The following PLSCR4 variants were observed in gnomAD, a reference collection of about 807,000 sequenced individuals.
PLSCR4 encodes the protein Ca(2+)-dependent phospholipid scramblase 4.
Under a neutral mutation model 36.3 loss-of-function variants are expected in PLSCR4, and 25 were observed. The observed-to-expected ratio is 0.69, with a 90% CI of 0.50 to 0.96. The LOEUF is 0.96. Among genes scored for constraint, PLSCR4 ranks in the 40% least tolerant of loss-of-function variants. The pLI, the probability that PLSCR4 is intolerant of heterozygous loss-of-function variation, is 0.00. For missense variants in PLSCR4, 408 were observed against 414.7 expected (o/e 0.98, Z 0.14); for synonymous variants, 122 against 132.9 (o/e 0.92, Z 0.56).
intron 4 of PLSCR4, among the ~76,000 whole-genome samples, chr3:146,204,252 C>G (rs1447722577): frequency 1.3e-5 from 2 of 151,784 alleles, no homozygotes; most frequent in Non-Finnish European, 2.9e-5. Flanking sequence ...TTCATGTAAT[C>G]TTCATGTGAG....
At chr3:146,249,947 C>G (rs1210808178) in intron 1 of PLSCR4, among the ~76,000 whole-genome samples, 1 of 152,074 alleles carries the variant, frequency 6.6e-6, no homozygotes, top group Non-Finnish European at 1.5e-5. Context: ...CATCAACTGA[C>G]TTCTATAAAT....
At chr3:146,215,117 G>A (rs1215865051) in intron 3 of PLSCR4, among the ~76,000 whole-genome samples, 1 of 151,864 alleles carries the variant, frequency 6.6e-6, no homozygotes, top group South Asian at 2.1e-4. Context: ...ACTCTGTTTT[G>A]ATACAGCATT....
intron 6 of PLSCR4, among the ~76,000 whole-genome samples, chr3:146,198,217 T>A (rs1282173152): frequency 6.6e-6 from 1 of 152,108 alleles, no homozygotes; most frequent in East Asian, 1.9e-4. Context: ...AAAAGAGGAC[T>A]TTGGTGATGA....
chr3:146,214,111 A>T (rs2034772413), intron 3 of PLSCR4, among the ~76,000 whole-genome samples: 4 of 148,260 alleles, frequency 2.7e-5, no homozygotes, highest in East Asian at 2.0e-4. Flanking sequence ...CTGATTTGAT[A>T]TCTTCCTTTT....
intron 3 of PLSCR4, among the ~76,000 whole-genome samples, chr3:146,215,432 A>G (rs962297420): frequency 6.6e-5 from 10 of 152,160 alleles, no homozygotes; most frequent in African/African-American, 2.4e-5. Context: ...CAAAGATTCT[A>G]TTCTGAAATG....
intron 1 of PLSCR4, among the ~76,000 whole-genome samples, chr3:146,236,895 T>A (rs1044935559): frequency 6.6e-6 from 1 of 152,122 alleles, no homozygotes; most frequent in Non-Finnish European, 1.5e-5. Context: ...ATACCATGTA[T>A]ACACTAATAA....
At chr3:146,205,803 C>T (rs949166595) in intron 4 of PLSCR4, among the ~76,000 whole-genome samples, 13 of 152,052 alleles carry the variant, frequency 8.5e-5, no homozygotes, top group East Asian at 3.9e-4. Flanking sequence ...CAGGAATCAA[C>T]GCCACAAATA....
intron 1 of PLSCR4, among the ~76,000 whole-genome samples, chr3:146,235,448 C>G (rs1485951196): frequency 2.0e-5 from 3 of 152,134 alleles, no homozygotes; most frequent in South Asian, 4.1e-4. Context: ...AGAAGACAAG[C>G]AGATTGCCAG....
chr3:146,233,969 A>ATATATT (rs3028539), intron 1 of PLSCR4, among the ~76,000 whole-genome samples: 119,626 of 151,502 alleles, frequency 0.79, 48,001 homozygotes, highest in Non-Finnish European at 0.86. Flanking sequence ...GGGTTTTGAA[A>ATATATT]TATAGTTCGA....
chr3:146,243,920 GTAAAGA>G (rs2036249804), intron 1 of PLSCR4, among the ~76,000 whole-genome samples: 1 of 152,254 alleles, frequency 6.6e-6, no homozygotes, highest in South Asian at 2.1e-4. Flanking sequence ...AGCATTGTAG[GTAAAGA>G]ATGAAAGCCT....
intron 1 of PLSCR4, among the ~76,000 whole-genome samples, chr3:146,230,193 A>G (rs1475663142): frequency 6.6e-6 from 1 of 151,810 alleles, no homozygotes; most frequent in Admixed American, 6.6e-5. Flanking sequence ...TAGATTGCTA[A>G]AAAATAATAA....
intron 5 of PLSCR4, 141 bp from the exon 6 acceptor site, chr3:146,200,180 C>A (rs1559899526): frequency 5.1e-6 from 3 of 588,696 alleles, no homozygotes; most frequent in Non-Finnish European, 9.0e-6. Context: ...GATTAGAGTA[C>A]CCCAAAAATC....
chr3:146,244,205 G>A (rs775587270), intron 1 of PLSCR4, among the ~76,000 whole-genome samples: 2 of 152,058 alleles, frequency 1.3e-5, no homozygotes, highest in Admixed American at 6.5e-5. Flanking sequence ...ATGGTTCAAC[G>A]TACGTAAACG....
At position 146,222,060 on chromosome 3, in the gene PLSCR4, C is replaced by G. The variant is rs145133292; in HGVS notation, c.7+5G>C. ...GCATATTCAAATTTATTCACAAAAA[C>G]TTACCTGACATTTTGAAGAATTCCA... On this transcript the variant is annotated splice_donor_5th_base_variant and intron_variant, in intron 2 of 8. Transcript: ENST00000354952. 3.0e-4 allele frequency: 369 copies of G among 1,242,092 alleles called. 4 individuals are homozygous for G. The East Asian group carries it at 8.6e-3, about 29-fold the overall frequency. 76.9% of individuals were successfully genotyped at this position (1,242,092 alleles called of 1,614,324 possible).
chr3:146,212,348 T>G (rs150466503), intron 3 of PLSCR4, among the ~76,000 whole-genome samples: 1 of 152,038 alleles, frequency 6.6e-6, no homozygotes, highest in Admixed American at 6.6e-5. Flanking sequence ...GAAATACTTT[T>G]GGATTTCTGT....
At chr3:146,217,570 G>A (rs562316168) in intron 3 of PLSCR4, among the ~76,000 whole-genome samples, 18 of 152,306 alleles carry the variant, frequency 1.2e-4, no homozygotes, top group Non-Finnish European at 2.4e-4. Flanking sequence ...TGGCTAGAAG[G>A]CAAGGAAGGC....
Position 146,192,649 on chromosome 3 carries a change from A to C in PLSCR4, c.*1762T>G, listed in dbSNP as rs904342447. ...GGTTTTGGAATACAGGGATTTAGGC[A>C]AGTTAAAAATAAAAAGTTTATATGC... On this transcript the variant is annotated 3_prime_UTR_variant, in exon 9 of 9. Transcript: ENST00000354952. 1 of 151,968 alleles carries C rather than the reference A, an allele frequency of 6.6e-6. No homozygotes were observed. The highest frequency in any genetic ancestry group is 1.5e-5 in the Non-Finnish European group (1 of 67,958). The allele number at this position is 151,968 out of a possible 1,614,324, so 9.4% of individuals were successfully genotyped here.
At position 146,224,971 on chromosome 3, in the gene PLSCR4, T is replaced by C. The variant is rs537168580; in HGVS notation, c.-21-2879A>G. 7.9e-3 allele frequency among the ~76,000 whole-genome samples: 1,201 copies of C among 151,802 alleles called. 14 individuals carry two copies. Among genetic ancestry groups the C allele is most frequent in the Non-Finnish European group, 9.1e-3 (615 of 67,872 alleles). ...AGAGCAGCTAGATACAGAGTGTCGA[T>C]TGGTGCACTCACAAACCTTGAGCTA... On this transcript the variant is annotated intron_variant, in intron 1 of 8. Coordinates refer to ENST00000354952, the MANE Select transcript of PLSCR4 (RefSeq NM_020353.3).
chr3:146,212,402 T>G (rs1240509723), intron 3 of PLSCR4, among the ~76,000 whole-genome samples: 1 of 151,592 alleles, frequency 6.6e-6, no homozygotes, highest in African/African-American at 2.4e-5. Flanking sequence ...TTGTTTATTG[T>G]GCTGTTTGTG....
Sources: gnomAD v4.1 joint callset for allele counts (sites outside exome capture counted in the v4.1 genomes callset) on GRCh38, gnomAD v4.1.1 for gene constraint, MANE v1.5 for transcripts, NCBI Gene and HGNC (gene_info 2026-07-23, HGNC 2026-07-21) for gene names.